The following BLOC1S5 variants were observed in gnomAD, a reference collection of about 807,000 sequenced individuals.
The protein encoded by BLOC1S5 is biogenesis of lysosomal organelles complex 1 subunit 5.
BLOC1S5 carries 27 observed loss-of-function variants against 24.3 expected under a neutral mutation model. The ratio of observed to expected loss-of-function variants is 1.11; its 90% CI spans 0.82 to 1.53. The LOEUF is 1.53. BLOC1S5 is among the 40% of genes most tolerant of loss of function. The pLI is 0.00. For missense variants in BLOC1S5, 239 were observed against 229.4 expected (o/e 1.04, Z -0.27); for synonymous variants, 84 against 74.5 (o/e 1.13, Z -0.66).
intron 1 of BLOC1S5, among the ~76,000 whole-genome samples, chr6:8,063,031 A>G (rs1225226632): frequency 6.6e-6 from 1 of 152,136 alleles, no homozygotes; most frequent in Admixed American, 6.5e-5. Flanking sequence ...ATCAACATAA[A>G]TATAAAAAAT....
At chr6:8,057,602 T>C (rs1351587547) in intron 2 of BLOC1S5, among the ~76,000 whole-genome samples, 1 of 152,220 alleles carries the variant, frequency 6.6e-6, no homozygotes, top group Non-Finnish European at 1.5e-5. Flanking sequence ...ATGTGTTATA[T>C]GGAACAGACA....
rs1242832626 is a variant in BLOC1S5, at chr6:8,024,864, CGAG to C, written c.384+1500_384+1502del. Among the ~76,000 whole-genome samples, 5 of 152,310 alleles carry C rather than the reference CGAG, an allele frequency of 3.3e-5. No individual in the cohort carries two copies. In the East Asian group the frequency reaches 7.7e-4, roughly 24 times the overall value. On this transcript the variant is annotated intron_variant, in intron 4 of 4. Coordinates refer to ENST00000397457, the MANE Select transcript of BLOC1S5 (RefSeq NM_201280.3). The stretch of plus-strand genomic sequence containing the variant: ...GTAGAATAGATCATTAGTTTGCAAA[CGAG>C]GAGCTGGAAGCTCAAGGATTTGTCC...
At chr6:8,020,770 T>C (rs1884306) in intron 4 of BLOC1S5, among the ~76,000 whole-genome samples, 5,954 of 152,230 alleles carry the variant, frequency 0.039, 368 homozygotes, top group African/African-American at 0.13. Context: ...GAAACTGCCC[T>C]TTAAAAATAA....
At chr6:8,048,997 G>C (rs1764007032) in intron 2 of BLOC1S5, among the ~76,000 whole-genome samples, 1 of 132,030 alleles carries the variant, frequency 7.6e-6, no homozygotes, top group Non-Finnish European at 1.6e-5. Flanking sequence ...CTAGGTGAAA[G>C]AGACTCCGCC....
At chr6:8,054,510 C>A in intron 2 of BLOC1S5, 1 of 267,316 alleles carries the variant, frequency 3.7e-6, no homozygotes, top group Non-Finnish European at 7.3e-6. Context: ...ATCCCAGAGT[C>A]CTTGCATGAC....
intron 2 of BLOC1S5, among the ~76,000 whole-genome samples, chr6:8,043,207 G>C (rs1581419284): frequency 6.6e-6 from 1 of 152,236 alleles, no homozygotes; most frequent in East Asian, 1.9e-4. Context: ...CCCAAAATGA[G>C]GGTGGGTTAT....
chr6:8,018,115 GGA>G (rs1406483818), intron 4 of BLOC1S5: 1 of 152,220 alleles, frequency 6.6e-6, no homozygotes, highest in South Asian at 2.1e-4. Flanking sequence ...ACAGTGGTAG[GGA>G]GAGAGGATTA....
At chr6:8,024,146 A>G (rs76548445) in intron 4 of BLOC1S5, among the ~76,000 whole-genome samples, 5,957 of 152,166 alleles carry the variant, frequency 0.039, 372 homozygotes, top group African/African-American at 0.13. Flanking sequence ...GTGAAACAAC[A>G]TTTCAGTATA....
intron 2 of BLOC1S5, among the ~76,000 whole-genome samples, chr6:8,044,283 C>CAAA (rs1175141654): frequency 0.043 from 3,811 of 88,706 alleles, 163 homozygotes; most frequent in Non-Finnish European, 0.051. Context: ...GACTCTGTCT[C>CAAA]AAAAAAAAAA....
intron 4 of BLOC1S5, chr6:8,017,716 C>G (rs112508685): frequency 6.6e-6 from 1 of 152,166 alleles, no homozygotes; most frequent in Non-Finnish European, 1.5e-5. Flanking sequence ...TCCTTTAAGA[C>G]GACATTATTC....
intron 3 of BLOC1S5, among the ~76,000 whole-genome samples, chr6:8,029,459 G>T (rs979329789): frequency 6.6e-6 from 1 of 152,148 alleles, no homozygotes; most frequent in Non-Finnish European, 1.5e-5. Context: ...TGGGCTCCCT[G>T]GCAGGAGAAG....
intron 3 of BLOC1S5, among the ~76,000 whole-genome samples, chr6:8,034,055 G>A (rs1763399376): frequency 6.6e-6 from 1 of 152,230 alleles, no homozygotes; most frequent in Non-Finnish European, 1.5e-5. Context: ...TTCAACCATT[G>A]TGGAAGACAG....
chr6:8,061,993 T>C (rs1157393401), intron 2 of BLOC1S5, among the ~76,000 whole-genome samples: 2 of 152,212 alleles, frequency 1.3e-5, no homozygotes, highest in Non-Finnish European at 2.9e-5. Flanking sequence ...TAGATTCCTC[T>C]GGCAGCAGGG....
At chr6:8,027,561 C>T (rs954651450) in intron 3 of BLOC1S5, among the ~76,000 whole-genome samples, 6 of 152,162 alleles carry the variant, frequency 3.9e-5, no homozygotes, top group African/African-American at 2.4e-5. Flanking sequence ...AGGCCGGGCA[C>T]GGTGGCTCAC....
chr6:8,041,382 A>G lies in BLOC1S5; in HGVS notation c.196-114T>C, dbSNP rs138365091. 0.011 allele frequency: 11,095 copies of G among 1,011,490 alleles called. 576 individuals are homozygous for G. The African/African-American group carries it at 0.15, about 14-fold the overall frequency. 62.7% of individuals were successfully genotyped at this position (1,011,490 alleles called of 1,614,324 possible). A position where few individuals can be genotyped will look rare whatever the true frequency, so the allele number is the denominator to read the frequency against. ...GACTGGAGTGCGGTGGTGTGATCTC[A>G]GCTCACTGCAACCTCCGCCTCCTGG... On this transcript the variant is annotated intron_variant, in intron 2 of 4. Transcript: ENST00000397457.
chr6:8,028,587 T>C (rs1763186043), intron 3 of BLOC1S5, among the ~76,000 whole-genome samples: 1 of 152,206 alleles, frequency 6.6e-6, no homozygotes, highest in Admixed American at 6.5e-5. Context: ...CTTCTGCCAC[T>C]TACTTTGTCA....
chr6:8,037,766 GC>G (rs1483588374), intron 3 of BLOC1S5, among the ~76,000 whole-genome samples: 4 of 152,088 alleles, frequency 2.6e-5, no homozygotes, highest in African/African-American at 9.7e-5. Context: ...CATGATACCA[GC>G]ATAAAAACAC....
Position 8,015,715 on chromosome 6 carries a change from G to A in BLOC1S5, c.498C>T (p.Ala166=). ...CATATTGTTCTTTAAGCCTTTCCAT[G>A]GCTTTTCTGTGCTCTTCATCCACTT... ...RAEVDEEHRK[A]MERLKEQYAE... Residue 166 remains alanine (A), a synonymous_variant, in exon 5 of 5, where the codon GCC becomes GCT. Transcript: ENST00000397457. 1 of 1,614,090 alleles carries A rather than the reference G, an allele frequency of 6.2e-7. No homozygotes were observed. Among genetic ancestry groups the A allele is most frequent in the East Asian group, 2.2e-5 (1 of 44,864 alleles).
intron 3 of BLOC1S5, among the ~76,000 whole-genome samples, chr6:8,034,338 A>T (rs1302962588): frequency 1.3e-5 from 2 of 152,208 alleles, no homozygotes; most frequent in Non-Finnish European, 2.9e-5. Context: ...AGGGGCATGG[A>T]TGAAGCTGGA....
Sources: gnomAD v4.1 joint callset for allele counts (sites outside exome capture counted in the v4.1 genomes callset) on GRCh38, gnomAD v4.1.1 for gene constraint, MANE v1.5 for transcripts, NCBI Gene and HGNC (gene_info 2026-07-23, HGNC 2026-07-21) for gene names.